NPC1: variants seen among roughly 807,000 people sequenced by gnomAD.
NPC1 encodes Niemann-Pick C1 protein.
Under a neutral mutation model 140.4 loss-of-function variants are expected in NPC1, and 85 were observed. That is an observed-to-expected ratio of 0.61 (90% CI 0.51 to 0.72). NPC1 has a LOEUF of 0.72. Ranked by LOEUF, NPC1 falls within the 30% of genes least tolerant of loss-of-function variation. The pLI, the probability that NPC1 is intolerant of heterozygous loss-of-function variation, is 0.00. For missense variants in NPC1, 1,504 were observed against 1,623.8 expected (o/e 0.93, Z 1.27); for synonymous variants, 656 against 624.8 (o/e 1.05, Z -0.74).
chr18:23,531,433 T>TAAG, downstream of NPC1: 1 of 1,204,468 alleles, frequency 8.3e-7, no homozygotes, highest in Non-Finnish European at 1.1e-6. Flanking sequence ...AAGGACAGGT[T>TAAG]AGATAGAATC....
intron 3 of NPC1, among the ~76,000 whole-genome samples, chr18:23,514,692 A>T: frequency 6.6e-6 from 1 of 152,220 alleles, no homozygotes; most frequent in East Asian, 1.9e-4. Context: ...GGAGTTCCCT[A>T]TGGTAATCAT....
At chr18:23,563,202 T>C (rs1443634396) in intron 4 of NPC1, among the ~76,000 whole-genome samples, 1 of 152,268 alleles carries the variant, frequency 6.6e-6, no homozygotes, top group Non-Finnish European at 1.5e-5. Context: ...CATGTATCAA[T>C]ACTTCATTTC....
chr18:23,585,701 T>A (rs2059409920), intron 1 of NPC1, among the ~76,000 whole-genome samples: 1 of 152,130 alleles, frequency 6.6e-6, no homozygotes, highest in African/African-American at 2.4e-5. Flanking sequence ...CGCTGGCTAA[T>A]AGTGACAAGG....
At chr18:23,574,846 T>C (rs1380371915) in intron 1 of NPC1, among the ~76,000 whole-genome samples, 6 of 152,168 alleles carry the variant, frequency 3.9e-5, no homozygotes, top group African/African-American at 9.7e-5. Context: ...TATTTTTATA[T>C]AAAGAGAATC....
chr18:23,545,749 G>C (rs113639659), intron 11 of NPC1, among the ~76,000 whole-genome samples: 12 of 152,034 alleles, frequency 7.9e-5, no homozygotes, highest in African/African-American at 2.4e-4. Flanking sequence ...GTATCCCCAT[G>C]CCTGGCTAAT....
intron 11 of NPC1, among the ~76,000 whole-genome samples, chr18:23,546,874 G>A (rs1317170834): frequency 6.6e-6 from 1 of 152,250 alleles, no homozygotes; most frequent in Admixed American, 6.5e-5. Context: ...AAAGGGTACA[G>A]AGTTTTATTG....
rs1340087769 is a variant in NPC1, at chr18:23,523,559, A to AAG, written c.164-654_164-653insCT. On this transcript the variant is annotated intron_variant, in intron 1 of 1. Coordinates refer to the NPC1 transcript ENST00000590723. ...TTGTCTTCACAAAAAAAAAAAAAAA[A>AAG]AAAAAAAAAAGAAAAAAAGTTAGGG... Among the ~76,000 whole-genome samples the AAG allele has an allele frequency of 2.6e-3, 390 of 150,040 alleles. 3 individuals carry two copies. The highest frequency in any genetic ancestry group is 9.2e-3 in the African/African-American group (375 of 40,698).
Position 23,539,950 on chromosome 18 carries a change from C to G in NPC1, c.2656G>C (p.Gly886Arg). Residue 886 changes from glycine (G) to arginine (R), a missense_variant, in exon 18 of 25, where the codon GGT becomes CGT. By Grantham distance (125) the Gly-to-Arg change is moderately radical. Transcript: ENST00000269228. ...FKSISQYLHA[G>R]PPVYFVLEEG... Reference sequence around the variant, plus strand: ...TCCAGGACAAAGTACACAGGCGGACCCGCATGCAGGTACTGACTGATGGAT... The same window carrying G: ...TCCAGGACAAAGTACACAGGCGGACGCGCATGCAGGTACTGACTGATGGAT... The G allele has an allele frequency of 6.2e-7, 1 of 1,614,130 alleles. No homozygotes were observed. The highest frequency in any genetic ancestry group is 8.5e-7 in the Non-Finnish European group (1 of 1,180,024).
intron 16 of NPC1, 109 bp from the exon 17 acceptor site, chr18:23,540,646 G>C: frequency 1.2e-6 from 1 of 845,444 alleles, no homozygotes; most frequent in East Asian, 2.6e-5. Flanking sequence ...AAATGGAAAA[G>C]CTTAAATGAC....
chr18:23,560,586 G>T, intron 5 of NPC1, 106 bp from the exon 6 acceptor site: 1 of 1,177,956 alleles, frequency 8.5e-7, no homozygotes, highest in Non-Finnish European at 1.2e-6. Flanking sequence ...TAAAACAACT[G>T]AAAGAAGAAA....
downstream of NPC1, among the ~76,000 whole-genome samples, chr18:23,517,831 C>T (rs1434589157): frequency 3.3e-5 from 5 of 152,128 alleles, no homozygotes; most frequent in African/African-American, 1.2e-4. Context: ...GATTTTCCTG[C>T]CACAGTCTCC....
chr18:23,507,054 G>A, intron 3 of NPC1: 2 of 1,587,618 alleles, frequency 1.3e-6, no homozygotes, highest in Non-Finnish European at 8.6e-7. Flanking sequence ...CAAAGACTGT[G>A]GTAAGACTTA....
chr18:23,518,789 A>C, downstream of NPC1: 1 of 1,031,180 alleles, frequency 9.7e-7, no homozygotes, highest in Non-Finnish European at 1.5e-6. Flanking sequence ...AAAATACTCC[A>C]TTAAGTGAAT....
intron 22 of NPC1, among the ~76,000 whole-genome samples, chr18:23,535,088 C>T (rs1201021938): frequency 6.6e-6 from 1 of 152,128 alleles, no homozygotes; most frequent in Admixed American, 6.5e-5. Context: ...AGGCTACAGG[C>T]TTGTGCAATC....
At chr18:23,567,601 TC>T (rs1356234139) in intron 4 of NPC1, among the ~76,000 whole-genome samples, 4 of 152,226 alleles carry the variant, frequency 2.6e-5, no homozygotes, top group Non-Finnish European at 4.4e-5. Context: ...GTTCTTGAGG[TC>T]TTCAATTTTT....
At chr18:23,538,843 TCA>T (rs1468041506) in intron 19 of NPC1, 172 bp from the exon 20 acceptor site, 25 of 697,152 alleles carry the variant, frequency 3.6e-5, no homozygotes, top group Admixed American at 1.7e-4. Context: ...CATGTCACTT[TCA>T]CAGTTTAATG....
At position 23,557,129 on chromosome 18, in the gene NPC1, C is replaced by T. The variant is rs757925017; in HGVS notation, c.943G>A (p.Ala315Thr). ...IDSNIAFSVN[A>T]SDKGEASCCD... ...CAAATATGCCTACCTTTGTCACTTG[C>T]ATTAACAGAAAAAGCTATATTGCTA... The change falls in exon 7 of 25, where the codon GCA becomes ACA. Residue 315 changes from alanine (A) to threonine (T), a missense_variant. Coordinates refer to ENST00000269228, the MANE Select transcript of NPC1 (RefSeq NM_000271.5). 1.5e-5 allele frequency: 25 copies of T among 1,613,054 alleles called. No individual in the cohort carries two copies. The highest frequency in any genetic ancestry group is 2.0e-5 in the Non-Finnish European group (24 of 1,179,238).
downstream of NPC1, among the ~76,000 whole-genome samples, chr18:23,527,241 A>T (rs909290972): frequency 4.3e-4 from 65 of 151,364 alleles, no homozygotes; most frequent in Middle Eastern, 3.4e-3. Flanking sequence ...AAAAAAAAAA[A>T]AAAAAAAATT....
At chr18:23,524,427 G>A (rs1340270051), downstream of NPC1, 1 of 1,613,812 alleles carries the variant, frequency 6.2e-7, no homozygotes, top group East Asian at 2.2e-5. Context: ...TATAACATGT[G>A]GATTCTTCAT....
Sources: gnomAD v4.1 joint callset for allele counts (sites outside exome capture counted in the v4.1 genomes callset) on GRCh38, gnomAD v4.1.1 for gene constraint, MANE v1.5 for transcripts, NCBI Gene and HGNC (gene_info 2026-07-23, HGNC 2026-07-21) for gene names.